SHISA9: variants seen among roughly 807,000 people sequenced by gnomAD.
SHISA9 encodes the protein protein shisa-9.
A neutral mutation model predicts 38.0 loss-of-function variants in SHISA9; 13 were observed. The ratio of observed to expected loss-of-function variants is 0.34; its 90% CI spans 0.22 to 0.54. The LOEUF is 0.54. SHISA9 is among the 20% of genes least tolerant of loss of function. The probability of loss-of-function intolerance (pLI) is 0.91; values close to 1 mark genes in which losing one functional copy is unlikely to be tolerated. For missense variants in SHISA9, 538 were observed against 575.8 expected (o/e 0.93, Z 0.67); for synonymous variants, 275 against 242.0 (o/e 1.14, Z -1.27).
intron 2 of SHISA9, among the ~76,000 whole-genome samples, chr16:12,997,893 T>C (rs1164078467): frequency 6.6e-6 from 1 of 152,200 alleles, no homozygotes; most frequent in Non-Finnish European, 1.5e-5. Context: ...CCTGAGAAGC[T>C]TGCATATTTC....
chr16:13,282,811 C>T, the SHISA9 span, among the ~76,000 whole-genome samples: 1 of 152,036 alleles, frequency 6.6e-6, no homozygotes, highest in Non-Finnish European at 1.5e-5. Flanking sequence ...TACTATACTT[C>T]TAAGTTCTAG....
chr16:13,067,335 C>G (rs764332060), intron 2 of SHISA9, among the ~76,000 whole-genome samples: 4 of 152,200 alleles, frequency 2.6e-5, no homozygotes, highest in Non-Finnish European at 5.9e-5. Context: ...AAGCTGGGCT[C>G]TGGCATTTGA....
intron 2 of SHISA9, among the ~76,000 whole-genome samples, chr16:12,941,071 G>C (rs1316391845): frequency 6.6e-6 from 1 of 152,180 alleles, no homozygotes; most frequent in African/African-American, 2.4e-5. Flanking sequence ...AAACTTTTTG[G>C]CCAGGTGCAA....
At chr16:13,440,549 C>G in the SHISA9 span, among the ~76,000 whole-genome samples, 2 of 152,190 alleles carry the variant, frequency 1.3e-5, no homozygotes, top group Non-Finnish European at 2.9e-5. Flanking sequence ...CCTAGTTATT[C>G]TGTTAACAGA....
the SHISA9 span, among the ~76,000 whole-genome samples, chr16:13,428,293 A>AAGAGAG: frequency 6.6e-6 from 1 of 150,874 alleles, no homozygotes; most frequent in African/African-American, 2.4e-5. Flanking sequence ...AAAACAAAGA[A>AAGAGAG]AGAGAGAGAG....
chr16:13,015,896 T>TTCTTTCTTTCTC (rs1567182414), intron 2 of SHISA9, among the ~76,000 whole-genome samples: 9 of 125,826 alleles, frequency 7.2e-5, no homozygotes, highest in African/African-American at 2.6e-4. Context: ...CTTTCTTTCT[T>TTCTTTCTTTCTC]TCTTTCTTTC....
intron 2 of SHISA9, among the ~76,000 whole-genome samples, chr16:13,187,328 C>CTTTTTTTTTTTTTTTT (rs372286181): frequency 1.1e-4 from 10 of 90,684 alleles, no homozygotes; most frequent in East Asian, 8.7e-4. Context: ...CTTTTCTTTT[C>CTTTTTTTTTTTTTTTT]TTTTTTTTTT....
chr16:13,442,845 G>A, the SHISA9 span, among the ~76,000 whole-genome samples: 1 of 152,142 alleles, frequency 6.6e-6, no homozygotes, highest in African/African-American at 2.4e-5. Flanking sequence ...GTGGAAGGGT[G>A]CATGGGAGTG....
At chr16:13,230,827 T>C (rs1208670831) in intron 4 of SHISA9, among the ~76,000 whole-genome samples, 2 of 152,242 alleles carry the variant, frequency 1.3e-5, no homozygotes, top group Non-Finnish European at 2.9e-5. Flanking sequence ...GGATTATTTA[T>C]GCCTCGCCTT....
At chr16:13,223,354 C>G (rs1208038451) in intron 4 of SHISA9, among the ~76,000 whole-genome samples, 5 of 152,100 alleles carry the variant, frequency 3.3e-5, no homozygotes, top group African/African-American at 1.2e-4. Flanking sequence ...CACTTGAACC[C>G]AGGAGGGTCA....
intron 2 of SHISA9, among the ~76,000 whole-genome samples, chr16:13,182,486 C>G (rs1251011425): frequency 6.6e-6 from 1 of 152,216 alleles, no homozygotes; most frequent in Non-Finnish European, 1.5e-5. Flanking sequence ...GTTTATAACA[C>G]TGAGTCAAAG....
intron 2 of SHISA9, among the ~76,000 whole-genome samples, chr16:12,927,648 A>G (rs563435616): frequency 4.0e-5 from 6 of 151,894 alleles, no homozygotes; most frequent in Admixed American, 6.6e-5. Flanking sequence ...GACTCAAGCA[A>G]TCCTCTTGCA....
intron 1 of SHISA9, among the ~76,000 whole-genome samples, chr16:12,916,016 T>TG (rs1478350483): frequency 6.9e-6 from 1 of 144,194 alleles, no homozygotes; most frequent in Non-Finnish European, 1.5e-5. Flanking sequence ...TGTGTGTTTT[T>TG]TTTTTTTTTT....
the SHISA9 span, among the ~76,000 whole-genome samples, chr16:13,268,314 A>G: frequency 6.6e-6 from 1 of 152,310 alleles, no homozygotes; most frequent in Non-Finnish European, 1.5e-5. Context: ...GTTTGACACC[A>G]GCCTGACCAA....
At chr16:12,997,357 A>G (rs973272728) in intron 2 of SHISA9, among the ~76,000 whole-genome samples, 4 of 148,428 alleles carry the variant, frequency 2.7e-5, no homozygotes, top group African/African-American at 9.9e-5. Context: ...GCAATTATCT[A>G]TATAGTCTCC....
chr16:12,917,774 A>T, intron 2 of SHISA9, among the ~76,000 whole-genome samples: 1 of 152,214 alleles, frequency 6.6e-6, no homozygotes, highest in African/African-American at 2.4e-5. Flanking sequence ...GAGGTTCCTG[A>T]AAACAGAAAC....
chr16:13,361,979 C>T, the SHISA9 span, among the ~76,000 whole-genome samples: 2 of 152,026 alleles, frequency 1.3e-5, no homozygotes, highest in Admixed American at 1.3e-4. Context: ...TAGAGTCAAA[C>T]CCCGTTGCCA....
the SHISA9 span, among the ~76,000 whole-genome samples, chr16:13,411,199 A>T: frequency 6.6e-6 from 1 of 152,194 alleles, no homozygotes; most frequent in Admixed American, 6.5e-5. Flanking sequence ...CTTAAGTGAG[A>T]TAATGAATAG....
chr16:13,280,626 C>G, the SHISA9 span, among the ~76,000 whole-genome samples: 2 of 151,776 alleles, frequency 1.3e-5, no homozygotes, highest in South Asian at 4.2e-4. Flanking sequence ...TTATTTATTT[C>G]TTATTTAATT....
Sources: allele counts gnomAD v4.1 joint callset (sites outside exome capture counted in the v4.1 genomes callset), GRCh38; gene constraint gnomAD v4.1.1; transcripts MANE v1.5; gene names NCBI Gene and HGNC (gene_info 2026-07-23, HGNC 2026-07-21).